The following INSR variants were observed in gnomAD, a reference collection of about 807,000 sequenced individuals.
INSR encodes insulin receptor.
Under a neutral mutation model 142.6 loss-of-function variants are expected in INSR, and 67 were observed. The ratio of observed to expected loss-of-function variants is 0.47; its 90% confidence interval spans 0.39 to 0.58. INSR has a LOEUF of 0.58. INSR is among the 20% of genes least tolerant of loss of function. INSR has a pLI of 0.00. For synonymous variants in INSR, 756 were observed against 743.1 expected, an observed-to-expected ratio of 1.02 and a Z score of -0.28; for missense variants, 1,248 against 1,833.2, an observed-to-expected ratio of 0.68 and a Z score of 5.83.
intron 1 of INSR, among the ~76,000 whole-genome samples, chr19:7,269,685 C>CG (rs1462406889): frequency 6.6e-6 from 1 of 151,622 alleles, no homozygotes; most frequent in Non-Finnish European, 1.5e-5. Flanking sequence ...CAAAGAACCC[C>CG]GCGTGCCATT....
chr19:7,229,196 AATGGATGG>A (rs57179051), intron 2 of INSR, among the ~76,000 whole-genome samples: 7 of 144,412 alleles, frequency 4.8e-5, no homozygotes, highest in African/African-American at 1.6e-4. Context: ...TGAGTGGATG[AATGGATGG>A]ATGGATGGAT....
chr19:7,206,664 A>G (rs1391376873), intron 2 of INSR, among the ~76,000 whole-genome samples: 1 of 152,124 alleles, frequency 6.6e-6, no homozygotes. Flanking sequence ...GGGACTGTCT[A>G]TTTGCAAGAA....
intron 1 of INSR, among the ~76,000 whole-genome samples, chr19:7,282,980 GTAATAA>G (rs56796695): frequency 1.4e-5 from 2 of 146,356 alleles, no homozygotes; most frequent in African/African-American, 2.5e-5. Flanking sequence ...CTCAAAAAAA[GTAATAA>G]TAATAATAAT....
intron 2 of INSR, among the ~76,000 whole-genome samples, chr19:7,220,851 A>G (rs1389697595): frequency 6.6e-6 from 1 of 152,156 alleles, no homozygotes; most frequent in African/African-American, 2.4e-5. Context: ...TCATGTTGAA[A>G]TGTAATTCCT....
chr19:7,281,048 A>G lies in INSR; in HGVS notation c.100+12744T>C, dbSNP rs372454618. ...GTCTGACTCCTCTAGTCTATGACAT[A>G]GTTTTGTAATCCTAACAATATCAAA... On this transcript the variant is annotated intron_variant, in intron 1 of 21. Coordinates refer to ENST00000302850, the MANE Select transcript of INSR (RefSeq NM_000208.4). Among the ~76,000 whole-genome samples, 333 of 152,302 alleles carry G rather than the reference A, an allele frequency of 2.2e-3. 1 individual carries two copies. Among genetic ancestry groups the G allele is most frequent in the African/African-American group, 7.1e-3 (297 of 41,574 alleles).
intron 2 of INSR, among the ~76,000 whole-genome samples, chr19:7,230,396 A>G (rs10416407): frequency 0.011 from 1,665 of 152,270 alleles, 45 homozygotes; most frequent in African/African-American, 0.038. Context: ...GTCAGCCTCA[A>G]CTTCTCCCTC....
intron 17 of INSR, among the ~76,000 whole-genome samples, chr19:7,124,849 A>T (rs1972607083): frequency 6.6e-6 from 1 of 151,072 alleles, no homozygotes; most frequent in South Asian, 2.1e-4. Flanking sequence ...AAAGGAGAGT[A>T]GGAACGAGGG....
intron 2 of INSR, among the ~76,000 whole-genome samples, chr19:7,207,964 G>T (rs1272685640): frequency 1.3e-5 from 2 of 148,954 alleles, no homozygotes; most frequent in Non-Finnish European, 3.0e-5. Context: ...GAGGGAGGGA[G>T]GGAGGCAAAG....
chr19:7,146,494 C>T (rs1450082150), intron 11 of INSR, among the ~76,000 whole-genome samples: 1 of 152,104 alleles, frequency 6.6e-6, no homozygotes, highest in Non-Finnish European at 1.5e-5. Context: ...CCCCCCACCT[C>T]AGCCTCCCAA....
chr19:7,207,987 T>G, intron 2 of INSR, among the ~76,000 whole-genome samples: 1 of 149,456 alleles, frequency 6.7e-6, no homozygotes, highest in Admixed American at 6.7e-5. Context: ...AGAAAAGAGT[T>G]ACAAGGAGCT....
chr19:7,117,489 G>T (rs765739732), intron 21 of INSR, 79 bp from the exon 22 acceptor site: 4 of 1,074,694 alleles, frequency 3.7e-6, no homozygotes, highest in Non-Finnish European at 5.6e-6. Flanking sequence ...TCTTGTCCCT[G>T]CAGCCGACAC....
intron 21 of INSR, among the ~76,000 whole-genome samples, chr19:7,117,902 T>C (rs1972376457): frequency 6.9e-6 from 1 of 145,422 alleles, no homozygotes; most frequent in African/African-American, 2.6e-5. Context: ...CCACCATGCC[T>C]GGCCGCTTTT....
intron 1 of INSR, among the ~76,000 whole-genome samples, chr19:7,271,267 A>G (rs1480751510): frequency 6.6e-6 from 1 of 152,088 alleles, no homozygotes; most frequent in Non-Finnish European, 1.5e-5. Flanking sequence ...AAGCCAAGAT[A>G]GGCAGATCAC....
At position 7,216,724 on chromosome 19, in the gene INSR, G is replaced by C. The variant is rs752428170; in HGVS notation, c.653-32087C>G. Among the ~76,000 whole-genome samples the C allele has an allele frequency of 3.1e-4, 47 of 152,302 alleles. No individual in the cohort carries two copies. The highest frequency in any genetic ancestry group is 1.4e-3 in the Admixed American group (22 of 15,300). The stretch of plus-strand genomic sequence containing the variant: ...CCCCTGGCTAGAGACCCGCCCAGAG[G>C]GGGTTTCCAGGCCCAGGTGCTGGGT... On this transcript the variant is annotated intron_variant, in intron 2 of 21. Coordinates refer to ENST00000302850, the MANE Select transcript of INSR (RefSeq NM_000208.4). The surrounding 1 kb of genome is among the most constrained non-coding windows in gnomAD (Gnocchi z 4.2).
intron 13 of INSR, among the ~76,000 whole-genome samples, chr19:7,134,019 A>T (rs1413346352): frequency 1.3e-5 from 2 of 152,144 alleles, no homozygotes; most frequent in Non-Finnish European, 2.9e-5. Context: ...TCATAGCTGC[A>T]AAGTGGCAGG....
At chr19:7,229,673 GT>G (rs1975906798) in intron 2 of INSR, among the ~76,000 whole-genome samples, 1 of 150,594 alleles carries the variant, frequency 6.6e-6, no homozygotes, top group Non-Finnish European at 1.5e-5. Context: ...CTTAGCTACA[GT>G]TTTTAAACTT....
At chr19:7,250,222 G>A (rs1047221637) in intron 2 of INSR, among the ~76,000 whole-genome samples, 2 of 144,694 alleles carry the variant, frequency 1.4e-5, no homozygotes, top group South Asian at 2.3e-4. Flanking sequence ...AGAGAGGGAG[G>A]GAAAAGAAGG....
chr19:7,280,211 T>C (rs908277764), intron 1 of INSR, among the ~76,000 whole-genome samples: 1 of 146,974 alleles, frequency 6.8e-6, no homozygotes, highest in Non-Finnish European at 1.5e-5. Context: ...TTGCAGTGAG[T>C]CGAGACTGCG....
intron 1 of INSR, among the ~76,000 whole-genome samples, chr19:7,272,274 C>T (rs1322035314): frequency 1.3e-5 from 2 of 152,034 alleles, no homozygotes; most frequent in African/African-American, 4.8e-5. Flanking sequence ...CCACTGCACT[C>T]CAGCCTGATG....
Sources: allele counts gnomAD v4.1 joint callset (sites outside exome capture counted in the v4.1 genomes callset), GRCh38; gene constraint gnomAD v4.1.1; non-coding constraint Gnocchi (gnomAD v3.1); transcripts MANE v1.5; gene names NCBI Gene and HGNC (gene_info 2026-07-23, HGNC 2026-07-21).